APBA1: variants seen among roughly 807,000 people sequenced by gnomAD.
APBA1 encodes amyloid beta precursor protein binding family A member 1, also known as amyloid-beta A4 precursor protein-binding family A member 1.
APBA1 carries 55 observed loss-of-function variants against 86.6 expected under a neutral mutation model. That is an observed-to-expected ratio of 0.64 (90% CI 0.51 to 0.80). The LOEUF (loss-of-function observed/expected upper bound fraction) is 0.80, where lower values mean the gene tolerates loss of function less well. APBA1 is among the 30% of genes least tolerant of loss of function. The pLI, the probability that APBA1 is intolerant of heterozygous loss-of-function variation, is 0.00. For synonymous variants in APBA1, 511 were observed against 493.9 expected, an observed-to-expected ratio of 1.03 and a Z score of -0.46; for missense variants, 1,090 against 1,183.0, an observed-to-expected ratio of 0.92 and a Z score of 1.15.
chr9:69,485,008 G>T (rs1190695568), intron 2 of APBA1, among the ~76,000 whole-genome samples: 3 of 151,466 alleles, frequency 2.0e-5, no homozygotes, highest in East Asian at 1.9e-4. Context: ...TAGAGACAGG[G>T]TCTCACTATG....
chr9:69,509,178 CTAAT>C (rs1477470761), intron 2 of APBA1, among the ~76,000 whole-genome samples: 132 of 152,172 alleles, frequency 8.7e-4, no homozygotes, highest in African/African-American at 3.0e-3. Flanking sequence ...GCTAGCAAGA[CTAAT>C]AAAGAAAAAA....
intron 1 of APBA1, among the ~76,000 whole-genome samples, chr9:69,562,118 A>G (rs1316571103): frequency 6.6e-6 from 1 of 152,192 alleles, no homozygotes; most frequent in Admixed American, 6.5e-5. Context: ...TTTTCCATGT[A>G]CATTCAAAGT....
intron 1 of APBA1, among the ~76,000 whole-genome samples, chr9:69,591,702 G>A (rs187446191): frequency 9.9e-5 from 15 of 152,220 alleles, no homozygotes; most frequent in Admixed American, 3.3e-4. Flanking sequence ...TTAAAACACC[G>A]CAACTGTTCT....
intron 1 of APBA1, among the ~76,000 whole-genome samples, chr9:69,520,607 T>C (rs1168877444): frequency 6.6e-6 from 1 of 152,202 alleles, no homozygotes; most frequent in East Asian, 1.9e-4. Flanking sequence ...AAGCTCCACC[T>C]GGAGTTCCCA....
chr9:69,470,358 C>T (rs1015059929), intron 4 of APBA1, among the ~76,000 whole-genome samples: 2 of 152,114 alleles, frequency 1.3e-5, no homozygotes, highest in South Asian at 2.1e-4. Flanking sequence ...GTGCTGCCTT[C>T]GGATTGCTCT....
chr9:69,666,204 C>T (rs1823837197), intron 1 of APBA1, among the ~76,000 whole-genome samples: 2 of 152,136 alleles, frequency 1.3e-5, no homozygotes, highest in Admixed American at 1.3e-4. Context: ...ACCAAGGAAA[C>T]CAATAAGGTT....
chr9:69,557,113 G>A (rs898110068), intron 1 of APBA1, among the ~76,000 whole-genome samples: 4 of 152,110 alleles, frequency 2.6e-5, no homozygotes, highest in South Asian at 4.1e-4. Context: ...TTGTATCCAC[G>A]ATCATGAATA....
Position 69,538,163 on chromosome 9 carries a change from A to G in APBA1, c.-69-20884T>C, listed in dbSNP as rs564819953. Among the ~76,000 whole-genome samples the G allele has an allele frequency of 2.6e-4, 40 of 152,316 alleles. No individual in the cohort carries two copies. The South Asian group carries it at 7.7e-3, about 29-fold the overall frequency. Reference sequence around the variant, plus strand: ...CCTATTAGTAGTTCCCCAGTTATCCATGTTTCATCTGGCCACTTGCATGGG... The same window carrying G: ...CCTATTAGTAGTTCCCCAGTTATCCGTGTTTCATCTGGCCACTTGCATGGG... On this transcript the variant is annotated intron_variant, in intron 1 of 12. Transcript: ENST00000265381.
chr9:69,534,359 A>G (rs1259819348), intron 1 of APBA1, among the ~76,000 whole-genome samples: 1 of 152,214 alleles, frequency 6.6e-6, no homozygotes, highest in Non-Finnish European at 1.5e-5. Flanking sequence ...ATTCAAAGAC[A>G]TAAAAGTGGA....
At chr9:69,491,879 C>T (rs916397951) in intron 2 of APBA1, among the ~76,000 whole-genome samples, 2 of 151,640 alleles carry the variant, frequency 1.3e-5, no homozygotes, top group Non-Finnish European at 2.9e-5. Flanking sequence ...ATTCTCCTGC[C>T]TCAGCCTCCC....
At chr9:69,452,052 A>C (rs1193826077) in intron 9 of APBA1, 70 bp downstream of exon 9, 1 of 1,438,806 alleles carries the variant, frequency 7.0e-7, no homozygotes, top group Non-Finnish European at 9.7e-7. Context: ...CTTCCGCGGC[A>C]GGGTGCCCCA....
chr9:69,444,799 T>C (rs903015084), intron 10 of APBA1, among the ~76,000 whole-genome samples: 19 of 152,170 alleles, frequency 1.2e-4, no homozygotes, highest in Non-Finnish European at 2.9e-5. Context: ...ACGAATCACT[T>C]GTCATGTGCC....
At chr9:69,455,687 T>C (rs1183912540) in intron 8 of APBA1, among the ~76,000 whole-genome samples, 1 of 152,118 alleles carries the variant, frequency 6.6e-6, no homozygotes. Flanking sequence ...AGGATGGTCC[T>C]GGACCACAAA....
At chr9:69,615,254 T>A (rs1822677332) in intron 1 of APBA1, among the ~76,000 whole-genome samples, 2 of 152,210 alleles carry the variant, frequency 1.3e-5, no homozygotes, top group Non-Finnish European at 2.9e-5. Flanking sequence ...TTTACAGCAA[T>A]TTTATAAAGT....
At chr9:69,489,430 A>T (rs1338571962) in intron 2 of APBA1, among the ~76,000 whole-genome samples, 1 of 152,134 alleles carries the variant, frequency 6.6e-6, no homozygotes, top group African/African-American at 2.4e-5. Context: ...CCATATGTAG[A>T]AACCTGAAAC....
At chr9:69,488,092 G>A (rs1192740619) in intron 2 of APBA1, among the ~76,000 whole-genome samples, 1 of 152,120 alleles carries the variant, frequency 6.6e-6, no homozygotes, top group Non-Finnish European at 1.5e-5. Context: ...AACTGGCGGG[G>A]TTGCACTGGT....
intron 1 of APBA1, among the ~76,000 whole-genome samples, chr9:69,581,342 A>G (rs553604758): frequency 6.6e-5 from 10 of 152,192 alleles, no homozygotes; most frequent in Non-Finnish European, 1.2e-4. Context: ...CTTGACATTT[A>G]CCTTAGTGTA....
At position 69,457,044 on chromosome 9, in the gene APBA1, A is replaced by G. The variant is rs1338930900; in HGVS notation, c.1602+9T>C. The G allele has an allele frequency of 3.1e-6, 5 of 1,612,656 alleles. No individual in the cohort carries two copies. The Admixed American group carries it at 5.0e-5, about 16-fold the overall frequency. On this transcript the variant is annotated intron_variant, in intron 7 of 12. Coordinates refer to ENST00000265381, the MANE Select transcript of APBA1 (RefSeq NM_001163.4). ...CTTCACCCTGGGAAAGGTGGAAGCC[A>G]GCTGATACCTGTGTGTCGGCGTTCA...
chr9:69,490,984 G>C (rs1835700074), intron 2 of APBA1, among the ~76,000 whole-genome samples: 1 of 152,256 alleles, frequency 6.6e-6, no homozygotes, highest in African/African-American at 2.4e-5. Flanking sequence ...TGGAGAAATA[G>C]GAACACTCTT....
Sources: gnomAD v4.1 joint callset for allele counts (sites outside exome capture counted in the v4.1 genomes callset) on GRCh38, gnomAD v4.1.1 for gene constraint, MANE v1.5 for transcripts, NCBI Gene and HGNC (gene_info 2026-07-23, HGNC 2026-07-21) for gene names.